TTN: variants seen among roughly 807,000 people sequenced by gnomAD.
TTN encodes connectin.
A neutral mutation model predicts 3,223.0 loss-of-function variants in TTN; 1,525 were observed. That is an observed-to-expected ratio of 0.47 (90% CI 0.45 to 0.49). The LOEUF (loss-of-function observed/expected upper bound fraction) is 0.49. Ranked by LOEUF, TTN falls within the 20% of genes least tolerant of loss-of-function variation. The pLI, the probability that TTN is intolerant of heterozygous loss-of-function variation, is 0.00. For missense variants in TTN, 40,786 were observed against 43,424.0 expected (o/e 0.94, Z 5.40); for synonymous variants, 14,094 against 15,161.0 (o/e 0.93, Z 5.17).
Position 178,734,920 on chromosome 2 carries a change from G to A in TTN, c.15004C>T (p.His5002Tyr). The change falls in exon 51 of 363, where the codon CAT becomes TAT. Residue 5002 changes from histidine (H) to tyrosine (Y), a missense_variant. Coordinates refer to ENST00000589042, the MANE Select transcript of TTN (RefSeq NM_001267550.2). ...LMLPGESARL[H>Y]CKLKGSPVIQ... The stretch of plus-strand genomic sequence containing the variant: ...ACAGGTGAGCCTTTCAGCTTGCAAT[G>A]GAGGCGTGCTGATTCACCTGGGAGC... 1 of 1,612,040 alleles carries A rather than the reference G, an allele frequency of 6.2e-7. No homozygotes were observed.
Position 178,768,854 on chromosome 2 carries a change from A to G in TTN, c.8982T>C (p.Tyr2994=). 2 of 1,614,112 alleles carry G rather than the reference A, an allele frequency of 1.2e-6. No homozygotes were observed. Among genetic ancestry groups the G allele is most frequent in the Non-Finnish European group, 1.7e-6 (2 of 1,180,008 alleles). ...TTAACCATTTGTAAGAGATGCCTTCATAGTTCACTGTCACCTCAAAAGTAA... is the reference window on the plus strand; with the variant it reads ...TTAACCATTTGTAAGAGATGCCTTCGTAGTTCACTGTCACCTCAAAAGTAA... The part of the protein sequence containing the change: ...DTITFEVTVN[Y]EGISYKWLKN... Residue 2994 remains tyrosine, a synonymous_variant, in exon 38 of 363, where the codon TAT becomes TAC. Coordinates refer to ENST00000589042, the MANE Select transcript of TTN (RefSeq NM_001267550.2).
intron 96 of TTN, among the ~76,000 whole-genome samples, chr2:178,711,741 A>G (rs555448272): frequency 1.3e-5 from 2 of 152,304 alleles, no homozygotes; most frequent in African/African-American, 4.8e-5. Flanking sequence ...AAATGATTGC[A>G]TAATCCTTCC....
At chr2:178,703,762 C>T (rs959751570) in intron 106 of TTN, among the ~76,000 whole-genome samples, 3 of 152,160 alleles carry the variant, frequency 2.0e-5, no homozygotes, top group African/African-American at 7.2e-5. Context: ...GAAAGTCAGA[C>T]TAAGTCCTAT....
At chr2:178,627,806 AT>A (rs1559922157) in intron 240 of TTN, among the ~76,000 whole-genome samples, 1 of 152,076 alleles carries the variant, frequency 6.6e-6, no homozygotes, top group Admixed American at 6.6e-5. Flanking sequence ...TAATGAAAAA[AT>A]AATATCATTT....
intron 127 of TTN, 63 bp from the exon 128 acceptor site, chr2:178,685,661 T>G: frequency 1.3e-6 from 2 of 1,508,462 alleles, no homozygotes. Flanking sequence ...TTTTTAGCTT[T>G]AATTTATCAC....
rs1336094142 is a variant in TTN at position 178,612,179 on chromosome 2, C to T, written c.50249-17G>A. On this transcript the variant is annotated splice_polypyrimidine_tract_variant and intron_variant, in intron 266 of 362. Coordinates refer to ENST00000589042, the MANE Select transcript of TTN (RefSeq NM_001267550.2). The stretch of plus-strand genomic sequence containing the variant: ...CAGGAGTGGCTGAAAATAAAATAAA[C>T]AATGATTAGGAAAACCAGAGGAAAG... 1 of 1,606,090 alleles carries T rather than the reference C, an allele frequency of 6.2e-7. No homozygotes were observed. The highest frequency in any genetic ancestry group is 8.5e-7 in the Non-Finnish European group (1 of 1,176,996).
At position 178,621,183 on chromosome 2, in the gene TTN, T is replaced by C. The variant is rs1559877046; in HGVS notation, c.45535A>G (p.Lys15179Glu). ...ADGKKRVLVV[K>E]DATLQDMGTY... Reference sequence around the variant, plus strand: ...CCCATATCTTGTAATGTGGCATCTTTCACAACTAGGACCCTCTTTTTACCA... The same window carrying C: ...CCCATATCTTGTAATGTGGCATCTTCCACAACTAGGACCCTCTTTTTACCA... Residue 15179 changes from lysine (K) to glutamate (E), a missense_variant, in exon 246 of 363, where the codon AAA becomes GAA. Transcript: ENST00000589042. 15 of 1,612,504 alleles carry C rather than the reference T, an allele frequency of 9.3e-6. No individual in the cohort carries two copies. The highest frequency in any genetic ancestry group is 1.3e-5 in the Non-Finnish European group (15 of 1,179,264).
Position 178,775,829 on chromosome 2 carries a change from G to A in TTN, c.6035C>T (p.Ala2012Val), listed in dbSNP as rs2092157793. The A allele has an allele frequency of 6.2e-7, 1 of 1,613,948 alleles. No individual in the cohort carries two copies. Among genetic ancestry groups the A allele is most frequent in the Non-Finnish European group, 8.5e-7 (1 of 1,179,934 alleles). ...AGACTTGAGCTCCACAGCGGTAATG[G>A]CTTCATAATAGCCCTCTTCTGTTCT... ...KRRTEEGYYE[A>V]ITAVELKSRK... is the part of the protein sequence containing the mutation. Residue 2012 changes from alanine (A) to valine (V), a missense_variant, in exon 28 of 363, where the codon GCC (alanine) becomes GTC (valine). Ala to Val is a moderately conservative substitution (Grantham distance 64). Transcript: ENST00000589042.
intron 11 of TTN, 27 bp downstream of exon 11, chr2:178,790,681 A>C: frequency 6.2e-7 from 1 of 1,613,962 alleles, no homozygotes; most frequent in Non-Finnish European, 8.5e-7. Context: ...TGCAAGAGTG[A>C]CTTTCACATT....
chr2:178,619,238 A>T (rs2057888024), intron 250 of TTN: 3 of 357,468 alleles, frequency 8.4e-6, no homozygotes, highest in Admixed American at 4.7e-5. Context: ...TGGCTTTTTC[A>T]TAAGGACAGT....
chr2:178,592,302 G>A (rs2050389085), intron 301 of TTN, 25 bp from the exon 302 acceptor site: 6 of 1,601,948 alleles, frequency 3.7e-6, no homozygotes, highest in Non-Finnish European at 5.1e-6. Context: ...ATAACAGTTT[G>A]ATAAGTAATT....
Position 178,605,189 on chromosome 2 carries a change from A to G in TTN, c.53988T>C (p.Pro17996=), listed in dbSNP as rs568556021. Residue 17996 remains proline (P), a synonymous_variant, in exon 280 of 363, where the codon CCT becomes CCC. Transcript: ENST00000589042. ...TTTCATTTTTGGACCATTCAATCTTAGGCATTGGAAGGCCTGTCACATCTG... is the reference window on the plus strand; with the variant it reads ...TTTCATTTTTGGACCATTCAATCTTGGGCATTGGAAGGCCTGTCACATCTG... ...IPADVTGLPM[P]KIEWSKNETV... is the part of the protein sequence containing the mutation. 9.3e-6 allele frequency: 15 copies of G among 1,612,238 alleles called. No homozygotes were observed. In the African/African-American group the frequency reaches 9.3e-5, roughly 10 times the overall value.
intron 12 of TTN, 104 bp from the exon 13 acceptor site, chr2:178,789,601 G>T: frequency 7.0e-7 from 1 of 1,429,508 alleles, no homozygotes; most frequent in Admixed American, 1.8e-5. Flanking sequence ...GTTATTCAGG[G>T]TTAAATACAC....
At position 178,590,699 on chromosome 2, in the gene TTN, C is replaced by T. The variant is rs1409580713; in HGVS notation, c.61026G>A (p.Glu20342=). The change falls in exon 304 of 363, where the codon GAG becomes GAA. Residue 20342 remains glutamate (E), a synonymous_variant. Coordinates refer to ENST00000589042, the MANE Select transcript of TTN (RefSeq NM_001267550.2). ...CAAGATTTTCAGCAAAAACTCTAAA[C>T]TCATATGTATTTCCTTCATAGAGTC... ...VTGLYEGNTY[E]FRVFAENLAG... is the part of the protein sequence containing the mutation. The T allele has an allele frequency of 6.2e-7, 1 of 1,612,986 alleles. No homozygotes were observed. Among genetic ancestry groups the T allele is most frequent in the Non-Finnish European group, 8.5e-7 (1 of 1,179,414 alleles).
Position 178,582,356 on chromosome 2 carries a change from T to G in TTN, c.66100A>C (p.Asn22034His), listed in dbSNP as rs1347058381. The part of the protein sequence containing the change: ...HEYQFRICAE[N>H]KYGVGDPVFT... ...ACTGGATCGCCTACTCCATATTTAT[T>G]TTCAGCACAAATACGGAACTGATAC... is the stretch of plus-strand genomic sequence containing the variant. Residue 22034 changes from asparagine (N) to histidine (H), a missense_variant, in exon 314 of 363, where the codon AAT becomes CAT. By Grantham distance (68) the Asn-to-His change is moderately conservative. Transcript: ENST00000589042. 1 of 1,609,950 alleles carries G rather than the reference T, an allele frequency of 6.2e-7. No individual in the cohort carries two copies. The highest frequency in any genetic ancestry group is 1.3e-5 in the African/African-American group (1 of 74,744).
In TTN at chr2:178,564,421, T is replaced by C. The variant is rs1553576452; in HGVS notation, c.81711A>G (p.Glu27237=). 12 of 1,613,208 alleles carry C rather than the reference T, an allele frequency of 7.4e-6. No individual in the cohort carries two copies. Among genetic ancestry groups the C allele is most frequent in the Non-Finnish European group, 1.0e-5 (12 of 1,179,524 alleles). ...TTACTCTAAATTCATATCTTTGGTC[T>C]TCTACAAGTCCACTCACTGTAAATT... ...ETEFTVSGLV[E]DQRYEFRVIA... The change falls in exon 326 of 363, where the codon GAA becomes GAG. Residue 27237 remains glutamate (E), a synonymous_variant. Coordinates refer to ENST00000589042, the MANE Select transcript of TTN (RefSeq NM_001267550.2).
rs765504674 is a variant in TTN, at chr2:178,530,665, A to G, written c.105950T>C (p.Val35317Ala). Residue 35317 changes from valine to alanine, a missense_variant, in exon 358 of 363, where the codon GTC becomes GCC. By Grantham distance (64) the Val-to-Ala change is moderately conservative. Transcript: ENST00000589042. ...VESSVLRAKE[V>A]TWYKDGKKLK... is the part of the protein sequence containing the mutation. Reference sequence around the variant, plus strand: ...TTTCTTGCCATCTTTATACCAGGTGACCTCTTTTGCCCTTAATACACTGCT... The same window carrying G: ...TTTCTTGCCATCTTTATACCAGGTGGCCTCTTTTGCCCTTAATACACTGCT... 1 of 1,613,866 alleles carries G rather than the reference A, an allele frequency of 6.2e-7. No homozygotes were observed. Among genetic ancestry groups the G allele is most frequent in the Non-Finnish European group, 8.5e-7 (1 of 1,179,868 alleles).
intron 163 of TTN, 30 bp downstream of exon 163, chr2:178,666,794 T>C: frequency 6.6e-7 from 1 of 1,520,642 alleles, no homozygotes; most frequent in South Asian, 1.3e-5. Flanking sequence ...AAACATGAGA[T>C]TAAAAAGGTG....
Position 178,566,596 on chromosome 2 carries a change from G to A in TTN, c.79536C>T (p.Ile26512=). Residue 26512 remains isoleucine (I), a synonymous_variant, in exon 326 of 363, where the codon ATC becomes ATT. Transcript: ENST00000589042. The part of the protein sequence containing the change: ...NSITLAWGKP[I]YDGGSEILGY... ...CCAAGATCTCACTGCCGCCATCATA[G>A]ATGGGTTTACCCCAGGCAAGTGTGA... 1 of 1,612,578 alleles carries A rather than the reference G, an allele frequency of 6.2e-7. No individual in the cohort carries two copies. The highest frequency in any genetic ancestry group is 8.5e-7 in the Non-Finnish European group (1 of 1,179,648).
Sources: allele counts gnomAD v4.1 joint callset (sites outside exome capture counted in the v4.1 genomes callset), GRCh38; gene constraint gnomAD v4.1.1; transcripts MANE v1.5; gene names NCBI Gene and HGNC (gene_info 2026-07-23, HGNC 2026-07-21).